The following ANO2 variants were observed in gnomAD, a reference collection of about 807,000 sequenced individuals.
The protein encoded by ANO2 is anoctamin-2.
A neutral mutation model predicts 124.2 loss-of-function variants in ANO2; 101 were observed. That is an observed-to-expected ratio of 0.81 (90% CI 0.69 to 0.96). The LOEUF (loss-of-function observed/expected upper bound fraction) is 0.96, where lower values mean the gene tolerates loss of function less well. Ranked by LOEUF, ANO2 falls within the 40% of genes least tolerant of loss-of-function variation. ANO2 has a pLI of 0.00. For missense variants in ANO2, 1,293 were observed against 1,274.5 expected (o/e 1.01, Z -0.22); for synonymous variants, 486 against 482.5 (o/e 1.01, Z -0.09).
chr12:5,607,863 C>A (rs1349848380), intron 19 of ANO2, among the ~76,000 whole-genome samples: 1 of 152,200 alleles, frequency 6.6e-6, no homozygotes, highest in Non-Finnish European at 1.5e-5. Context: ...AGGTCTCCCA[C>A]TGATTCTACA....
intron 15 of ANO2, among the ~76,000 whole-genome samples, chr12:5,640,003 G>A (rs1054951730): frequency 6.6e-6 from 1 of 152,108 alleles, no homozygotes; most frequent in African/African-American, 2.4e-5. Flanking sequence ...CATCGCCTCC[G>A]ACAATTCCCC....
chr12:5,610,983 T>TTTTTTTGCTTTTTTTTTTG lies in ANO2; in HGVS notation c.2087+1672_2087+1673insCAAAAAAAAAAGCAAAAAA, dbSNP rs1555100746. Among the ~76,000 whole-genome samples, 303 of 121,708 alleles carry TTTTTTTGCTTTTTTTTTTG rather than the reference T, an allele frequency of 2.5e-3. 23 individuals carry two copies. Among genetic ancestry groups the TTTTTTTGCTTTTTTTTTTG allele is most frequent in the African/African-American group, 9.1e-3 (295 of 32,424 alleles). 79.8% of individuals were successfully genotyped at this position (121,708 alleles called of 152,430 possible). On this transcript the variant is annotated intron_variant, in intron 19 of 24. Transcript: ENST00000682330. ...AACAAACTTCTCTGCTTTTTTTTTTTTTTTTTGAGACAGAGTCTTGCTCTG... is the reference window on the plus strand; with the variant it reads ...AACAAACTTCTCTGCTTTTTTTTTTTTTTTTTGCTTTTTTTTTTGTTTTTTGAGACAGAGTCTTGCTCTG...
chr12:5,667,292 C>T (rs959361795), intron 14 of ANO2, among the ~76,000 whole-genome samples: 13 of 143,066 alleles, frequency 9.1e-5, no homozygotes, highest in African/African-American at 3.4e-4. Context: ...GATCAAGTTC[C>T]CACACTTCAC....
rs914817072 is a variant in ANO2, at chr12:5,894,030, A to G, written c.534+27010T>C. Among the ~76,000 whole-genome samples, 6 of 152,246 alleles carry G rather than the reference A, an allele frequency of 3.9e-5. No individual in the cohort carries two copies. The East Asian group carries it at 7.7e-4, about 20-fold the overall frequency. On this transcript the variant is annotated intron_variant, in intron 3 of 24. Coordinates refer to ENST00000682330, the MANE Select transcript of ANO2 (RefSeq NM_001364791.2). ...AGTAATAGGATTGCTGGGTCAAATG[A>G]TATTTCTGGCTCTAGATCCTTGAGG...
chr12:5,589,196 T>C (rs1042674994), intron 20 of ANO2, among the ~76,000 whole-genome samples: 3 of 152,180 alleles, frequency 2.0e-5, no homozygotes, highest in Non-Finnish European at 4.4e-5. Context: ...ACCAAGCTAG[T>C]TCCCAGAGCT....
chr12:5,921,158 C>A lies in ANO2; in HGVS notation c.416G>T (p.Gly139Val), dbSNP rs1313598525. The change falls in exon 3 of 25, where the codon GGC becomes GTC. Residue 139 changes from glycine (G) to valine (V), a missense_variant. Physicochemically the swap from Gly to Val is moderately radical, Grantham distance 109. Transcript: ENST00000682330. ...GETGKEPHAG[G>V]PGDIELGPLD... Reference sequence around the variant, plus strand: ...CGGTCCCAGCTCAATGTCACCTGGGCCCCCAGCATGAGGCTCCTTGCCTGT... The same window carrying A: ...CGGTCCCAGCTCAATGTCACCTGGGACCCCAGCATGAGGCTCCTTGCCTGT... The A allele has an allele frequency of 1.9e-6, 3 of 1,613,776 alleles. No homozygotes were observed. Among genetic ancestry groups the A allele is most frequent in the African/African-American group, 2.7e-5 (2 of 74,924 alleles).
At chr12:5,719,513 T>C (rs1333131267) in intron 14 of ANO2, among the ~76,000 whole-genome samples, 1 of 152,182 alleles carries the variant, frequency 6.6e-6, no homozygotes, top group African/African-American at 2.4e-5. Context: ...CATGAATGGA[T>C]TCATGATCTG....
intron 16 of ANO2, among the ~76,000 whole-genome samples, chr12:5,625,015 C>T (rs977322405): frequency 4.6e-5 from 7 of 152,024 alleles, no homozygotes; most frequent in African/African-American, 1.2e-4. Flanking sequence ...TCCACACAAG[C>T]GAAGCATCCT....
At chr12:5,702,578 A>G (rs1321614837) in intron 14 of ANO2, among the ~76,000 whole-genome samples, 2 of 152,102 alleles carry the variant, frequency 1.3e-5, no homozygotes, top group Non-Finnish European at 2.9e-5. Flanking sequence ...AAATGCAAAA[A>G]AAAAAAAAGA....
In ANO2 at chr12:5,859,431, T is replaced by C. The variant is rs114346214; in HGVS notation, c.535-5290A>G. On this transcript the variant is annotated intron_variant, in intron 3 of 24. Coordinates refer to ENST00000682330, the MANE Select transcript of ANO2 (RefSeq NM_001364791.2). ...AGCCCTACAAACCCTACTTCTCTAG[T>C]TCTTGTTATCAGGGAGAGTTACCCA... 4.1e-3 allele frequency among the ~76,000 whole-genome samples: 618 copies of C among 152,306 alleles called. 3 individuals are homozygous for C. The highest frequency in any genetic ancestry group is 0.014 in the African/African-American group (593 of 41,566).
chr12:5,744,790 T>A (rs1486549578), intron 11 of ANO2, among the ~76,000 whole-genome samples: 1 of 151,998 alleles, frequency 6.6e-6, no homozygotes, highest in Admixed American at 6.6e-5. Context: ...CAAACACGAG[T>A]GTGTGGCTAG....
chr12:5,882,099 C>T (rs1000552390), intron 3 of ANO2, among the ~76,000 whole-genome samples: 2 of 151,976 alleles, frequency 1.3e-5, no homozygotes, highest in South Asian at 2.1e-4. Context: ...TATTTTTTTT[C>T]TTCAAGAGTC....
Position 5,636,465 on chromosome 12 carries a change from C to T in ANO2, c.1621-1118G>A, listed in dbSNP as rs1565503040. Among the ~76,000 whole-genome samples the T allele has an allele frequency of 6.6e-6, 1 of 152,102 alleles. No individual in the cohort carries two copies. The highest frequency in any genetic ancestry group is 1.5e-5 in the Non-Finnish European group (1 of 68,030). On this transcript the variant is annotated intron_variant, in intron 15 of 24. Coordinates refer to ENST00000682330, the MANE Select transcript of ANO2 (RefSeq NM_001364791.2). This position sits in a 1 kb window ranked among gnomAD's most constrained non-coding sequence, Gnocchi z 4.6. ...GAAAGAAGACTTCCTTCTTAGGACT[C>T]TTTCTGTAAAGGAAGCTGTTCAGGT...
intron 5 of ANO2, 84 bp from the exon 6 acceptor site, chr12:5,830,573 C>A: frequency 1.6e-6 from 2 of 1,268,166 alleles, no homozygotes; most frequent in Non-Finnish European, 1.1e-6. Context: ...CACAACAAAT[C>A]TTTAGAAAGC....
chr12:5,695,425 T>C (rs1275234514), intron 14 of ANO2, among the ~76,000 whole-genome samples: 2 of 142,794 alleles, frequency 1.4e-5, no homozygotes, highest in African/African-American at 2.6e-5. Context: ...ATCTCAAAAG[T>C]ACCAAAAAAA....
At chr12:5,839,745 C>A (rs948124298) in intron 4 of ANO2, 34 of 409,150 alleles carry the variant, frequency 8.3e-5, no homozygotes, top group Admixed American at 1.5e-4. Flanking sequence ...ACGGTCCATA[C>A]AAACTCTGTC....
intron 7 of ANO2, among the ~76,000 whole-genome samples, chr12:5,815,483 TAC>T (rs1379327761): frequency 1.6e-4 from 24 of 152,236 alleles, no homozygotes; most frequent in African/African-American, 4.3e-4. Context: ...AGACATGTTC[TAC>T]ATAAGACGCC....
Position 5,769,755 on chromosome 12 carries a change from T to G in ANO2, c.1056-18785A>C, listed in dbSNP as rs892674442. Among the ~76,000 whole-genome samples the G allele has an allele frequency of 6.6e-6, 1 of 152,212 alleles. No individual in the cohort carries two copies. Among genetic ancestry groups the G allele is most frequent in the African/African-American group, 2.4e-5 (1 of 41,454 alleles). ...CCTTCATTCTAGGTACTCTGCTGAA[T>G]GTTTTGCACGCATGATCCCTTAGGA... On this transcript the variant is annotated intron_variant, in intron 10 of 24. Transcript: ENST00000682330. The surrounding 1 kb of genome is among the most constrained non-coding windows in gnomAD (Gnocchi z 4.0).
chr12:5,764,381 T>C (rs145821987), intron 10 of ANO2, among the ~76,000 whole-genome samples: 11 of 152,354 alleles, frequency 7.2e-5, no homozygotes, highest in Admixed American at 3.3e-4. Flanking sequence ...ATTCTCTTAC[T>C]TTTTAGTTCT....
Sources: allele counts gnomAD v4.1 joint callset (sites outside exome capture counted in the v4.1 genomes callset), GRCh38; gene constraint gnomAD v4.1.1; non-coding constraint Gnocchi (gnomAD v3.1); transcripts MANE v1.5; gene names NCBI Gene and HGNC (gene_info 2026-07-23, HGNC 2026-07-21).